IMMP2L: variants seen among roughly 807,000 people sequenced by gnomAD.
The protein encoded by IMMP2L is mitochondrial inner membrane protease subunit 2.
IMMP2L carries 18 observed loss-of-function variants against 19.3 expected under a neutral mutation model. The observed-to-expected ratio is 0.93, with a 90% CI of 0.64 to 1.38. The LOEUF (loss-of-function observed/expected upper bound fraction) is 1.38. Ranked by LOEUF, IMMP2L falls within the 40% of genes most tolerant of loss-of-function variation. IMMP2L has a pLI of 0.00. For missense variants in IMMP2L, 233 were observed against 218.2 expected, an observed-to-expected ratio of 1.07 and a Z score of -0.43; for synonymous variants, 76 against 73.0, an observed-to-expected ratio of 1.04 and a Z score of -0.21.
chr7:111,264,887 T>C (rs1327699126), intron 3 of IMMP2L, among the ~76,000 whole-genome samples: 2 of 152,068 alleles, frequency 1.3e-5, no homozygotes, highest in Non-Finnish European at 2.9e-5. Flanking sequence ...CAGGAACCAA[T>C]GGGAAAGGAC....
At chr7:110,918,452 CTTTTTTTTTTT>C (rs1029668134) in intron 4 of IMMP2L, among the ~76,000 whole-genome samples, 1 of 130,488 alleles carries the variant, frequency 7.7e-6, no homozygotes, top group Non-Finnish European at 1.6e-5. Context: ...TTCTTTTTTT[CTTTTTTTTTTT>C]TTTTTTGTTG....
At chr7:111,499,199 T>C (rs1294209778) in intron 2 of IMMP2L, among the ~76,000 whole-genome samples, 1 of 152,130 alleles carries the variant, frequency 6.6e-6, no homozygotes, top group Non-Finnish European at 1.5e-5. Flanking sequence ...GCGTATTTGC[T>C]GATATTCCAC....
intron 3 of IMMP2L, chr7:111,391,731 A>C: frequency 1.9e-6 from 1 of 528,836 alleles, no homozygotes; most frequent in Non-Finnish European, 3.4e-6. Flanking sequence ...AAAAAGCTTC[A>C]GCCTTATACA....
In IMMP2L at chr7:111,178,779, T is replaced by C. The variant is rs191965788; in HGVS notation, c.240-215214A>G. On this transcript the variant is annotated intron_variant, in intron 3 of 5. Transcript: ENST00000405709. ...TTCCATCTTCAAGTTTCACTTCTAA[T>C]TCTAGTTCTCTTGCTATTTCTACCA... Among the ~76,000 whole-genome samples the C allele has an allele frequency of 2.4e-4, 36 of 152,210 alleles. No individual in the cohort carries two copies. In the East Asian group the frequency reaches 3.1e-3, roughly 13 times the overall value.
At chr7:111,478,912 T>C (rs915468375) in intron 3 of IMMP2L, among the ~76,000 whole-genome samples, 2 of 152,226 alleles carry the variant, frequency 1.3e-5, no homozygotes, top group Admixed American at 1.3e-4. Context: ...TGATGTCTCT[T>C]GCTTCCAGCA....
At position 111,522,020 on chromosome 7, in the gene IMMP2L, G is replaced by A. The variant is rs12673731; in HGVS notation, c.-2-571C>T. On this transcript the variant is annotated intron_variant, in intron 1 of 5. Coordinates refer to ENST00000405709, the MANE Select transcript of IMMP2L (RefSeq NM_032549.4). ...ACAATTTGGTGGTAGGAGCAGGGGT[G>A]GCCATCTCAAACTATGAGATAAAAG... is the stretch of plus-strand genomic sequence containing the variant. Among the ~76,000 whole-genome samples the A allele has an allele frequency of 1.4e-3, 213 of 152,052 alleles. 7 individuals are homozygous for A. In the East Asian group the frequency reaches 0.038, roughly 27 times the overall value.
chr7:110,963,405 G>A, intron 4 of IMMP2L, 95 bp downstream of exon 4: 1 of 810,354 alleles, frequency 1.2e-6, no homozygotes, highest in Non-Finnish European at 2.0e-6. Flanking sequence ...CAAAACTTTG[G>A]CCCTCATGGA....
At chr7:110,733,628 G>T (rs1796423072) in intron 5 of IMMP2L, among the ~76,000 whole-genome samples, 2 of 152,106 alleles carry the variant, frequency 1.3e-5, no homozygotes, top group Non-Finnish European at 2.9e-5. Context: ...GCTGTGGTTT[G>T]TATGTTTGTG....
At chr7:111,075,102 A>G (rs1464664917) in intron 3 of IMMP2L, among the ~76,000 whole-genome samples, 1 of 142,486 alleles carries the variant, frequency 7.0e-6, no homozygotes. Flanking sequence ...TATTTTAAAT[A>G]GCTTGTTTTC....
chr7:111,386,479 A>C (rs1831768350), intron 3 of IMMP2L, among the ~76,000 whole-genome samples: 1 of 152,154 alleles, frequency 6.6e-6, no homozygotes, highest in Non-Finnish European at 1.5e-5. Flanking sequence ...CCCCCATTTG[A>C]GAATATTTCT....
chr7:110,787,126 T>C (rs1271796243), intron 5 of IMMP2L, among the ~76,000 whole-genome samples: 1 of 152,040 alleles, frequency 6.6e-6, no homozygotes, highest in Non-Finnish European at 1.5e-5. Flanking sequence ...TTTTCATTTG[T>C]CATAGTTACC....
At chr7:110,944,845 C>T (rs752034122) in intron 4 of IMMP2L, among the ~76,000 whole-genome samples, 7 of 151,862 alleles carry the variant, frequency 4.6e-5, no homozygotes, top group Non-Finnish European at 8.8e-5. Flanking sequence ...TAGAGAAATT[C>T]TAACTTATGA....
chr7:111,148,981 T>C (rs758681015), intron 3 of IMMP2L, among the ~76,000 whole-genome samples: 2 of 152,084 alleles, frequency 1.3e-5, no homozygotes, highest in East Asian at 3.9e-4. Context: ...AGATCACAGA[T>C]AGAGTAAATA....
rs2129566800 is a variant in IMMP2L at position 111,021,602 on chromosome 7, T to C, written c.240-58037A>G. On this transcript the variant is annotated intron_variant, in intron 3 of 5. Transcript: ENST00000405709. The stretch of plus-strand genomic sequence containing the variant: ...ACCTCTTTATAAAACCATCAGATCA[T>C]CTGGGCACGGTGGCTGACGCCAGTA... Among the ~76,000 whole-genome samples the C allele has an allele frequency of 1.3e-5, 2 of 152,214 alleles. 1 individual carries two copies. Among genetic ancestry groups the C allele is most frequent in the Admixed American group, 1.3e-4 (2 of 15,296 alleles).
At chr7:110,670,353 T>C (rs764032268) in intron 5 of IMMP2L, among the ~76,000 whole-genome samples, 1 of 152,158 alleles carries the variant, frequency 6.6e-6, no homozygotes, top group Non-Finnish European at 1.5e-5. Flanking sequence ...CTGCGGTATT[T>C]TGTTATGAGA....
At chr7:111,359,548 T>C (rs142840607) in intron 3 of IMMP2L, among the ~76,000 whole-genome samples, 4,321 of 152,084 alleles carry the variant, frequency 0.028, 84 homozygotes, top group Non-Finnish European at 0.039. Context: ...GTAACCCACC[T>C]GCCTCAGCCT....
chr7:111,134,082 T>G (rs1323966459), intron 3 of IMMP2L, among the ~76,000 whole-genome samples: 1 of 152,060 alleles, frequency 6.6e-6, no homozygotes, highest in Non-Finnish European at 1.5e-5. Flanking sequence ...ATTGATGTCT[T>G]TGATTTTAAG....
At chr7:111,419,518 T>TTCTTTCCTTAA (rs1835280049) in intron 3 of IMMP2L, among the ~76,000 whole-genome samples, 1 of 151,796 alleles carries the variant, frequency 6.6e-6, no homozygotes, top group Admixed American at 6.6e-5. Flanking sequence ...TGTATCTGAT[T>TTCTTTCCTTAA]GCCTCCTTTG....
At chr7:111,012,129 A>T (rs1825028831) in intron 3 of IMMP2L, among the ~76,000 whole-genome samples, 1 of 152,280 alleles carries the variant, frequency 6.6e-6, no homozygotes, top group East Asian at 1.9e-4. Flanking sequence ...CTGAAATGTA[A>T]TGCAGATCAA....
Sources: gnomAD v4.1 joint callset for allele counts (sites outside exome capture counted in the v4.1 genomes callset) on GRCh38, gnomAD v4.1.1 for gene constraint, MANE v1.5 for transcripts, NCBI Gene and HGNC (gene_info 2026-07-23, HGNC 2026-07-21) for gene names.